The following GATC variants were observed in gnomAD, a reference collection of about 807,000 sequenced individuals.
GATC encodes glutamyl-tRNA amidotransferase subunit C, also known as glutamyl-tRNA(Gln) amidotransferase subunit C, mitochondrial.
GATC carries 11 observed loss-of-function variants against 14.4 expected under a neutral mutation model. That is an observed-to-expected ratio of 0.77 (90% CI 0.48 to 1.27). The LOEUF (loss-of-function observed/expected upper bound fraction) is 1.27. Ranked by LOEUF, GATC falls within the 50% of genes most tolerant of loss-of-function variation. GATC has a pLI of 0.00. For synonymous variants in GATC, 76 were observed against 79.3 expected (o/e 0.96, Z 0.22); for missense variants, 204 against 183.0 (o/e 1.11, Z -0.66).
At chr12:120,452,019 G>A (rs1592984438) in intron 2 of GATC, among the ~76,000 whole-genome samples, 1 of 151,340 alleles carries the variant, frequency 6.6e-6, no homozygotes, top group East Asian at 2.0e-4. Context: ...TGGGACTACA[G>A]GTGCCCGGCA....
chr12:120,455,360 G>C (rs1372313480), intron 2 of GATC, among the ~76,000 whole-genome samples: 2 of 151,872 alleles, frequency 1.3e-5, no homozygotes, highest in Non-Finnish European at 2.9e-5. Flanking sequence ...GTAGAGATGT[G>C]GTTTCCCCAC....
chr12:120,447,081 GTT>G lies in GATC; in HGVS notation c.254+264_254+265del, dbSNP rs11340121. Among the ~76,000 whole-genome samples the G allele has an allele frequency of 9.9e-3, 1,303 of 131,392 alleles. 20 individuals are homozygous for G. Among genetic ancestry groups the G allele is most frequent in the African/African-American group, 0.036 (1,234 of 34,418 alleles). The allele number at this position is 131,392 out of a possible 152,430, so 86.2% of individuals were successfully genotyped here. A position where few individuals can be genotyped will look rare whatever the true frequency, so the allele number is the denominator to read the frequency against. On this transcript the variant is annotated intron_variant, in intron 2 of 3. Transcript: ENST00000551765. ...GTTTTTTTTTTTGTTTGTTTGTTTT[GTT>G]TTTTTTTTTTTGAGACGGAGTCTCG...
At chr12:120,451,133 G>A (rs1878030649) in intron 2 of GATC, among the ~76,000 whole-genome samples, 1 of 85,140 alleles carries the variant, frequency 1.2e-5, no homozygotes, top group Admixed American at 1.4e-4. Flanking sequence ...GACAGAGCAA[G>A]ACTCCATCTC....
rs1196687793 is a variant in GATC at position 120,446,786 on chromosome 12, G to A, written c.211G>A (p.Asp71Asn). 6 of 1,613,898 alleles carry A rather than the reference G, an allele frequency of 3.7e-6. No homozygotes were observed. The highest frequency in any genetic ancestry group is 1.7e-5 in the Admixed American group (1 of 60,016). The change falls in exon 2 of 4, where the codon GAC becomes AAC. Residue 71 changes from aspartate to asparagine, a missense_variant. Transcript: ENST00000551765. ...CTTCGCCGACCGGCTACGCGCCGTG[G>A]ACACAGACGGGGTGGAGCCCATGGA... ...IAFADRLRAV[D>N]TDGVEPMESV...
In GATC at chr12:120,456,937, C is replaced by G. The variant is rs181236858; in HGVS notation, c.255-139C>G. On this transcript the variant is annotated intron_variant, in intron 2 of 3. Coordinates refer to ENST00000551765, the MANE Select transcript of GATC (RefSeq NM_176818.3). ...GGCTGTTATTTGGTCTACTGTTGATCCCAGCTTCTCTATCTTTGAACAGTG... is the reference window on the plus strand; with the variant it reads ...GGCTGTTATTTGGTCTACTGTTGATGCCAGCTTCTCTATCTTTGAACAGTG... 1,023 of 641,252 alleles carry G rather than the reference C, an allele frequency of 1.6e-3. 10 individuals are homozygous for G. The African/African-American group carries it at 0.016, about 10-fold the overall frequency. 39.7% of individuals were successfully genotyped at this position (641,252 alleles called of 1,614,324 possible).
chr12:120,450,040 G>A (rs1358863682), intron 2 of GATC, among the ~76,000 whole-genome samples: 2 of 152,178 alleles, frequency 1.3e-5, no homozygotes, highest in African/African-American at 4.8e-5. Flanking sequence ...GGGATTACAG[G>A]CATGAGCCAC....
At chr12:120,459,631 C>T (rs866991601) in intron 3 of GATC, among the ~76,000 whole-genome samples, 3 of 152,166 alleles carry the variant, frequency 2.0e-5, no homozygotes, top group Middle Eastern at 3.4e-3. Context: ...CCGAGGAGGG[C>T]GGATCACGAG....
At chr12:120,452,828 G>A (rs988479386) in intron 2 of GATC, among the ~76,000 whole-genome samples, 2 of 151,954 alleles carry the variant, frequency 1.3e-5, no homozygotes, top group African/African-American at 4.8e-5. Flanking sequence ...CCGAGTAGCT[G>A]AGACTATAGG....
Position 120,446,766 on chromosome 12 carries a change from C to T in GATC, c.191C>T (p.Ala64Val), listed in dbSNP as rs145093597. The T allele has an allele frequency of 1.2e-6, 2 of 1,613,888 alleles. No individual in the cohort carries two copies. The highest frequency in any genetic ancestry group is 1.7e-6 in the Non-Finnish European group (2 of 1,180,046). The change falls in exon 2 of 4, where the codon GCC becomes GTC. Residue 64 changes from alanine (A) to valine (V), a missense_variant. Coordinates refer to ENST00000551765, the MANE Select transcript of GATC (RefSeq NM_176818.3). ...CGACTGGAGAAAGCTATCGCCTTCGCCGACCGGCTACGCGCCGTGGACACA... is the reference window on the plus strand; with the variant it reads ...CGACTGGAGAAAGCTATCGCCTTCGTCGACCGGCTACGCGCCGTGGACACA... ...VARLEKAIAF[A>V]DRLRAVDTDG...
At chr12:120,458,228 A>T (rs1878238417) in intron 3 of GATC, among the ~76,000 whole-genome samples, 1 of 151,084 alleles carries the variant, frequency 6.6e-6, no homozygotes, top group African/African-American at 2.4e-5. Flanking sequence ...AGCTGGGATT[A>T]CAGGTGCCTG....
chr12:120,456,109 G>A (rs1878177825), intron 2 of GATC, among the ~76,000 whole-genome samples: 1 of 152,228 alleles, frequency 6.6e-6, no homozygotes, highest in South Asian at 2.1e-4. Flanking sequence ...AGCAGGAGGA[G>A]CGTGGCTACT....
chr12:120,462,461 C>T lies in GATC; in HGVS notation c.*2502C>T, dbSNP rs528365550. On this transcript the variant is annotated 3_prime_UTR_variant, in exon 4 of 4. Coordinates refer to ENST00000551765, the MANE Select transcript of GATC (RefSeq NM_176818.3). ...TATGATAAACAATATATCTGAATTA[C>T]TGCCATTGACCCCCCTCAAAGCTAA... is the stretch of plus-strand genomic sequence containing the variant. The T allele has an allele frequency of 7.4e-4, 175 of 234,940 alleles. No individual in the cohort carries two copies. Among genetic ancestry groups the T allele is most frequent in the Non-Finnish European group, 1.1e-3 (129 of 119,230 alleles). 14.6% of individuals were successfully genotyped at this position (234,940 alleles called of 1,614,324 possible).
chr12:120,456,439 C>G (rs1878186210), intron 2 of GATC, among the ~76,000 whole-genome samples: 1 of 152,136 alleles, frequency 6.6e-6, no homozygotes, highest in Non-Finnish European at 1.5e-5. Flanking sequence ...ACTTAGCAGC[C>G]AACATCCTTA....
chr12:120,448,331 GT>G (rs34872230), intron 2 of GATC, among the ~76,000 whole-genome samples: 8 of 140,834 alleles, frequency 5.7e-5, no homozygotes, highest in East Asian at 2.1e-4. Flanking sequence ...CCTCAAGAAA[GT>G]TTTTTTTTTT....
chr12:120,458,080 TTG>T (rs1592987531), intron 3 of GATC, among the ~76,000 whole-genome samples: 1 of 151,356 alleles, frequency 6.6e-6, no homozygotes, highest in East Asian at 2.0e-4. Context: ...ACCTGACATT[TTG>T]TGTGATATTT....
Position 120,461,878 on chromosome 12 carries a change from T to C in GATC, c.*1919T>C. On this transcript the variant is annotated 3_prime_UTR_variant, in exon 4 of 4. Transcript: ENST00000551765. ...CTGCTAATATGGCCCTGGTAGAAAT[T>C]ATGTAGTTTTTTTTCTTCTTTAAAA... 25 of 890,542 alleles carry C rather than the reference T, an allele frequency of 2.8e-5. No homozygotes were observed. The highest frequency in any genetic ancestry group is 3.4e-5 in the Non-Finnish European group (22 of 640,996). 55.2% of individuals were successfully genotyped at this position (890,542 alleles called of 1,614,324 possible). A position where few individuals can be genotyped will look rare whatever the true frequency, so the allele number is the denominator to read the frequency against.
At chr12:120,447,332 C>T (rs983853537) in intron 2 of GATC, among the ~76,000 whole-genome samples, 3 of 152,104 alleles carry the variant, frequency 2.0e-5, no homozygotes, top group African/African-American at 4.8e-5. Flanking sequence ...GCCTCGGCCT[C>T]CCAAAGTGCT....
At chr12:120,456,902 A>G (rs531227998) in intron 2 of GATC, among the ~76,000 whole-genome samples, 174 bp from the exon 3 acceptor site, 19 of 152,318 alleles carry the variant, frequency 1.2e-4, no homozygotes, top group Admixed American at 1.1e-3. Flanking sequence ...CGGTCAATCT[A>G]TAAACTGTAG....
At chr12:120,449,119 C>A (rs920493356) in intron 2 of GATC, among the ~76,000 whole-genome samples, 34 of 151,820 alleles carry the variant, frequency 2.2e-4, no homozygotes, top group Admixed American at 2.2e-3. Context: ...CCCACTACCA[C>A]GCCTGGCTAA....
Sources: gnomAD v4.1 joint callset for allele counts (sites outside exome capture counted in the v4.1 genomes callset) on GRCh38, gnomAD v4.1.1 for gene constraint, MANE v1.5 for transcripts, NCBI Gene and HGNC (gene_info 2026-07-23, HGNC 2026-07-21) for gene names.